PTPRD: variants seen among roughly 807,000 people sequenced by gnomAD.
PTPRD encodes the protein protein tyrosine phosphatase receptor type D, also known as receptor-type tyrosine-protein phosphatase delta.
PTPRD carries 34 observed loss-of-function variants against 214.5 expected under a neutral mutation model. The observed-to-expected ratio is 0.16, with a 90% confidence interval of 0.12 to 0.21. The LOEUF is 0.21. PTPRD is among the 10% of genes least tolerant of loss of function. The pLI is 1.00. For synonymous variants in PTPRD, 1,128 were observed against 845.7 expected (o/e 1.33, Z -5.79); for missense variants, 2,545 against 2,398.7 (o/e 1.06, Z -1.27).
At chr9:8,566,446 T>A (rs1308932912) in intron 14 of PTPRD, among the ~76,000 whole-genome samples, 1 of 152,116 alleles carries the variant, frequency 6.6e-6, no homozygotes, top group East Asian at 1.9e-4. Context: ...CAAAAGCTGA[T>A]CATTAAACCC....
chr9:9,731,446 G>C (rs2098190100), intron 7 of PTPRD, among the ~76,000 whole-genome samples: 2 of 123,414 alleles, frequency 1.6e-5, no homozygotes, highest in Admixed American at 7.6e-5. Context: ...AGCAATTCTA[G>C]AAATGGAAAT....
intron 10 of PTPRD, among the ~76,000 whole-genome samples, chr9:9,120,177 G>C (rs533326450): frequency 4.6e-5 from 7 of 152,178 alleles, no homozygotes; most frequent in South Asian, 2.1e-4. Context: ...CATCTTGAAG[G>C]CTTTTGGAAG....
chr9:8,423,657 T>C (rs1183067138), intron 35 of PTPRD, among the ~76,000 whole-genome samples: 1 of 152,192 alleles, frequency 6.6e-6, no homozygotes, highest in Non-Finnish European at 1.5e-5. Context: ...GAAGGGCACC[T>C]TGCCAGTATA....
intron 8 of PTPRD, among the ~76,000 whole-genome samples, chr9:9,530,136 G>A (rs2075129394): frequency 2.0e-5 from 3 of 151,868 alleles, no homozygotes; most frequent in Admixed American, 2.0e-4. Flanking sequence ...TTGGCAGAAG[G>A]AAAGAAATGA....
At chr9:8,791,762 T>C (rs2096245751) in intron 11 of PTPRD, among the ~76,000 whole-genome samples, 1 of 151,874 alleles carries the variant, frequency 6.6e-6, no homozygotes, top group African/African-American at 2.4e-5. Flanking sequence ...ACTAGGTGAC[T>C]GGTGAAGAGA....
intron 9 of PTPRD, among the ~76,000 whole-genome samples, chr9:9,395,849 G>C (rs972877512): frequency 5.9e-5 from 9 of 152,198 alleles, no homozygotes; most frequent in African/African-American, 1.9e-4. Flanking sequence ...ACGTCTACTT[G>C]TATTATGGTT....
chr9:10,276,231 A>G (rs1476963146), intron 3 of PTPRD, among the ~76,000 whole-genome samples: 2 of 152,224 alleles, frequency 1.3e-5, no homozygotes, highest in East Asian at 1.9e-4. Context: ...CATTGCTTTC[A>G]TTTGCATATT....
In PTPRD at chr9:10,136,165, C is replaced by T. The variant is rs528685294; in HGVS notation, c.-544-102375G>A. 4.8e-4 allele frequency among the ~76,000 whole-genome samples: 73 copies of T among 151,920 alleles called. 1 individual carries two copies. The East Asian group carries it at 0.013, about 28-fold the overall frequency. ...AGACATTACATAACAATAAAATATT[C>T]AATTCAACAAGAACACCTAATTATC... On this transcript the variant is annotated intron_variant, in intron 3 of 45. Coordinates refer to ENST00000381196, the MANE Select transcript of PTPRD (RefSeq NM_002839.4).
At chr9:9,793,345 C>T (rs763927603) in intron 5 of PTPRD, among the ~76,000 whole-genome samples, 2 of 151,994 alleles carry the variant, frequency 1.3e-5, no homozygotes, top group Admixed American at 6.6e-5. Context: ...AAGACATAAT[C>T]TTTTTTCATA....
intron 10 of PTPRD, among the ~76,000 whole-genome samples, chr9:9,145,262 A>C (rs1335082358): frequency 6.6e-6 from 1 of 152,192 alleles, no homozygotes. Flanking sequence ...TATTACTAGA[A>C]GTTTCCTAAA....
At chr9:9,395,180 C>T (rs1046609902) in intron 9 of PTPRD, among the ~76,000 whole-genome samples, 1 of 135,704 alleles carries the variant, frequency 7.4e-6, no homozygotes, top group African/African-American at 2.6e-5. Context: ...CTCCCAGGAA[C>T]ATGAAACAAA....
chr9:8,532,153 G>A (rs780182735), intron 14 of PTPRD, among the ~76,000 whole-genome samples: 37 of 151,980 alleles, frequency 2.4e-4, no homozygotes, highest in South Asian at 1.5e-3. Context: ...AAATTTTCAT[G>A]AGAAACATCA....
intron 9 of PTPRD, among the ~76,000 whole-genome samples, chr9:9,208,110 G>A (rs535784666): frequency 7.1e-6 from 1 of 140,798 alleles, no homozygotes; most frequent in Non-Finnish European, 1.5e-5. Flanking sequence ...CGCCTCCCGT[G>A]TTCATGCCAT....
chr9:9,718,949 G>T lies in PTPRD; in HGVS notation c.-287+15584C>A, dbSNP rs145942073. 1.3e-3 allele frequency among the ~76,000 whole-genome samples: 196 copies of T among 152,282 alleles called. 1 individual carries two copies. Among genetic ancestry groups the T allele is most frequent in the African/African-American group, 4.2e-3 (174 of 41,560 alleles). On this transcript the variant is annotated intron_variant, in intron 7 of 45. Coordinates refer to ENST00000381196, the MANE Select transcript of PTPRD (RefSeq NM_002839.4). ...ACAGGTTCCTAAGTGGGAAGCTGTGGGTCCCTGGTGAAACCCACCTTCAAG... is the reference window on the plus strand; with the variant it reads ...ACAGGTTCCTAAGTGGGAAGCTGTGTGTCCCTGGTGAAACCCACCTTCAAG...
intron 2 of PTPRD, among the ~76,000 whole-genome samples, chr9:10,376,262 G>A (rs973799095): frequency 2.0e-5 from 3 of 151,178 alleles, no homozygotes; most frequent in African/African-American, 4.9e-5. Context: ...TCTGTTTCCT[G>A]CTGCATTACC....
At chr9:10,123,109 A>G (rs1474170534) in intron 3 of PTPRD, among the ~76,000 whole-genome samples, 10 of 152,244 alleles carry the variant, frequency 6.6e-5, no homozygotes. Context: ...TAATGCAACG[A>G]ACAGCAAAGG....
chr9:9,885,470 C>T (rs2070501635), intron 5 of PTPRD, among the ~76,000 whole-genome samples: 1 of 152,052 alleles, frequency 6.6e-6, no homozygotes, highest in South Asian at 2.1e-4. Context: ...GAGTTTCCCT[C>T]AGCAGCTTCA....
intron 44 of PTPRD, among the ~76,000 whole-genome samples, chr9:8,325,463 G>C (rs944469021): frequency 6.7e-6 from 1 of 148,574 alleles, no homozygotes; most frequent in African/African-American, 2.5e-5. Flanking sequence ...CTCTGTTTTG[G>C]TACCAGTACC....
At chr9:10,314,114 G>T (rs1565228257) in intron 3 of PTPRD, among the ~76,000 whole-genome samples, 1 of 152,022 alleles carries the variant, frequency 6.6e-6, no homozygotes, top group East Asian at 1.9e-4. Flanking sequence ...AGGTAGAGAA[G>T]ATATTCAGAA....
Sources: allele counts gnomAD v4.1 joint callset (sites outside exome capture counted in the v4.1 genomes callset), GRCh38; gene constraint gnomAD v4.1.1; transcripts MANE v1.5; gene names NCBI Gene and HGNC (gene_info 2026-07-23, HGNC 2026-07-21).